ERC1: variants seen among roughly 807,000 people sequenced by gnomAD.
The protein encoded by ERC1 is ELKS/RAB6-interacting/CAST family member 1, also known as RAB6 interacting protein 2.
Under a neutral mutation model 132.0 loss-of-function variants are expected in ERC1, and 56 were observed. The ratio of observed to expected loss-of-function variants is 0.42; its 90% CI spans 0.34 to 0.53. The LOEUF (loss-of-function observed/expected upper bound fraction) is 0.53. Among genes scored for constraint, ERC1 ranks in the 20% least tolerant of loss-of-function variants. ERC1 has a pLI of 0.03. For synonymous variants in ERC1, 478 were observed against 476.1 expected (o/e 1.00, Z -0.05); for missense variants, 1,202 against 1,349.9 (o/e 0.89, Z 1.72).
chr12:1,110,194 T>C lies in ERC1; in HGVS notation c.1164T>C (p.Asp388=). Residue 388 remains aspartate (D), a splice_region_variant and synonymous_variant, in exon 5 of 19, where the codon GAT becomes GAC. Transcript: ENST00000360905. Reference sequence around the variant, plus strand: ...ACTAAATCTTCCATTGTCTTCAGGATTCAAAAATTTCCTCTATGGAGCGTG... The same window carrying C: ...ACTAAATCTTCCATTGTCTTCAGGACTCAAAAATTTCCTCTATGGAGCGTG... ...KALQTVIEMK[D]SKISSMERGL... The C allele has an allele frequency of 6.2e-7, 1 of 1,602,908 alleles. No homozygotes were observed. Among genetic ancestry groups the C allele is most frequent in the African/African-American group, 1.3e-5 (1 of 74,370 alleles).
intron 13 of ERC1, among the ~76,000 whole-genome samples, chr12:1,252,376 A>G (rs1469590494): frequency 1.3e-5 from 2 of 152,134 alleles, no homozygotes; most frequent in African/African-American, 4.8e-5. Context: ...AAAGACTTTG[A>G]AAAGGTATGC....
Position 1,154,319 on chromosome 12 carries a change from G to GTATA in ERC1, c.1737+12541_1737+12544dup, listed in dbSNP as rs201196014. Among the ~76,000 whole-genome samples the GTATA allele has an allele frequency of 2.4e-3, 338 of 139,366 alleles. 2 individuals are homozygous for GTATA. Among genetic ancestry groups the GTATA allele is most frequent in the African/African-American group, 8.8e-3 (305 of 34,464 alleles). The allele number at this position is 139,366 out of a possible 152,430, so 91.4% of individuals were successfully genotyped here. On this transcript the variant is annotated intron_variant, in intron 8 of 18. Coordinates refer to ENST00000360905, the MANE Select transcript of ERC1 (RefSeq NM_178040.4). ...CACACGTGCATATATATGTGTGTGT[G>GTATA]TATATATATATACACACATACCCAT...
At chr12:1,090,899 A>G (rs188479283) in intron 3 of ERC1, among the ~76,000 whole-genome samples, 388 of 10,750 alleles carry the variant, frequency 0.036, 10 homozygotes, top group Middle Eastern at 0.25. Context: ...TATTATTATT[A>G]TTATTATTAT....
At position 1,304,935 on chromosome 12, in the gene ERC1, G is replaced by A. The variant is rs572545276; in HGVS notation, c.2780+14923G>A. Among the ~76,000 whole-genome samples the A allele has an allele frequency of 3.6e-4, 55 of 151,006 alleles. No homozygotes were observed. In the East Asian group the frequency reaches 9.3e-3, roughly 26 times the overall value. ...CTCCCGAGTAGCTGGGACTACAGGC[G>A]CCCGCCCCCACGCCCGGCTAATTTT... is the stretch of plus-strand genomic sequence containing the variant. On this transcript the variant is annotated intron_variant, in intron 15 of 18. Transcript: ENST00000360905.
In ERC1 at chr12:1,196,974, A is replaced by AT. The variant is rs1300277921; in HGVS notation, c.2351+6923dup. On this transcript the variant is annotated intron_variant, in intron 12 of 18. Transcript: ENST00000360905. ...CACACACACACACATATATATATAT[A>AT]TATTTTTTTTTTTTTTTTTTTTTTA... Among the ~76,000 whole-genome samples the AT allele has an allele frequency of 7.5e-4, 39 of 52,144 alleles. 6 individuals carry two copies. Among genetic ancestry groups the AT allele is most frequent in the African/African-American group, 5.5e-3 (34 of 6,228 alleles). The allele number at this position is 52,144 out of a possible 152,430, so 34.2% of individuals were successfully genotyped here. A position where few individuals can be genotyped will look rare whatever the true frequency, so the allele number is the denominator to read the frequency against.
At chr12:1,415,610 G>A (rs1226662700) in intron 17 of ERC1, among the ~76,000 whole-genome samples, 1 of 152,174 alleles carries the variant, frequency 6.6e-6, no homozygotes, top group African/African-American at 2.4e-5. Context: ...AATTTCTAGA[G>A]AATACATCCA....
At chr12:1,129,311 C>T (rs1948517795) in intron 7 of ERC1, among the ~76,000 whole-genome samples, 1 of 17,512 alleles carries the variant, frequency 5.7e-5, no homozygotes, top group Non-Finnish European at 6.6e-3. Context: ...TCTCCACAAA[C>T]AACAACAACA....
rs1435296153 is a variant in ERC1, at chr12:1,281,331, C to CA, written c.2620-8511dup. ...CTATTGTGTTAACTCCCTAGCAAAG[C>CA]AAAAAAAAAATGCCTTTTCAGAAGA... On this transcript the variant is annotated intron_variant, in intron 14 of 18. Coordinates refer to ENST00000360905, the MANE Select transcript of ERC1 (RefSeq NM_178040.4). 7.2e-3 allele frequency among the ~76,000 whole-genome samples: 1,053 copies of CA among 147,096 alleles called. 14 individuals are homozygous for CA. The highest frequency in any genetic ancestry group is 0.021 in the African/African-American group (870 of 40,490).
At chr12:1,138,804 G>A (rs1378969400) in intron 7 of ERC1, among the ~76,000 whole-genome samples, 2 of 152,184 alleles carry the variant, frequency 1.3e-5, no homozygotes, top group East Asian at 1.9e-4. Context: ...TGACCATGGA[G>A]GACCTTGAAT....
chr12:1,189,721 A>T, intron 11 of ERC1, 138 bp from the exon 12 acceptor site: 1 of 606,224 alleles, frequency 1.6e-6, no homozygotes, highest in Non-Finnish European at 2.8e-6. Flanking sequence ...AGCAGATAAA[A>T]ACCTTATAAA....
rs1347714848 is a variant in ERC1 at position 1,105,973 on chromosome 12, A to G, written c.1161+1149A>G. The stretch of plus-strand genomic sequence containing the variant: ...GGGTTGAGGGTACCCTGAGAGTTCC[A>G]TAGACCATCCTTTGAAAACCTCTGC... On this transcript the variant is annotated intron_variant, in intron 4 of 18. Coordinates refer to ENST00000360905, the MANE Select transcript of ERC1 (RefSeq NM_178040.4). 2.0e-5 allele frequency among the ~76,000 whole-genome samples: 3 copies of G among 152,234 alleles called. No individual in the cohort carries two copies. The East Asian group carries it at 5.8e-4, about 29-fold the overall frequency.
chr12:1,441,670 T>C (rs1289799045), intron 17 of ERC1, among the ~76,000 whole-genome samples: 1 of 152,138 alleles, frequency 6.6e-6, no homozygotes, highest in African/African-American at 2.4e-5. Flanking sequence ...GGGAATAAAT[T>C]GCACAAATCC....
intron 2 of ERC1, among the ~76,000 whole-genome samples, chr12:1,030,339 A>G (rs1210735463): frequency 6.6e-6 from 1 of 152,208 alleles, no homozygotes; most frequent in Non-Finnish European, 1.5e-5. Flanking sequence ...ATCAGAAATG[A>G]TCTGTGTCTC....
chr12:1,380,075 G>A (rs925564214), intron 16 of ERC1: 1 of 152,196 alleles, frequency 6.6e-6, no homozygotes. Flanking sequence ...ACACAGAAAA[G>A]TACATACTGT....
intron 15 of ERC1, among the ~76,000 whole-genome samples, chr12:1,353,797 A>T: frequency 6.6e-6 from 1 of 152,216 alleles, no homozygotes. Context: ...AGCCCATTGC[A>T]ATATAGCTTC....
intron 12 of ERC1, among the ~76,000 whole-genome samples, chr12:1,217,601 T>A (rs1958545381): frequency 1.3e-5 from 2 of 152,214 alleles, no homozygotes; most frequent in South Asian, 4.1e-4. Context: ...ATGGTGACAC[T>A]GAAAGATACA....
intron 12 of ERC1, among the ~76,000 whole-genome samples, chr12:1,228,859 A>T (rs1392593578): frequency 1.3e-5 from 2 of 152,222 alleles, no homozygotes; most frequent in Non-Finnish European, 2.9e-5. Context: ...CCTTGCAAAT[A>T]ACCACTTGAT....
intron 3 of ERC1, among the ~76,000 whole-genome samples, chr12:1,092,133 G>A (rs1248167904): frequency 6.6e-6 from 1 of 151,920 alleles, no homozygotes; most frequent in Non-Finnish European, 1.5e-5. Context: ...CGAGTAGCTG[G>A]GATTACAGGC....
chr12:1,069,902 A>G (rs139300951), intron 2 of ERC1, among the ~76,000 whole-genome samples: 6 of 152,222 alleles, frequency 3.9e-5, no homozygotes, highest in Non-Finnish European at 2.9e-5. Context: ...TTGTGAACCC[A>G]TATTATAAAG....
Sources: allele counts gnomAD v4.1 joint callset (sites outside exome capture counted in the v4.1 genomes callset), GRCh38; gene constraint gnomAD v4.1.1; transcripts MANE v1.5; gene names NCBI Gene and HGNC (gene_info 2026-07-23, HGNC 2026-07-21).